CTNND2: variants seen among roughly 807,000 people sequenced by gnomAD.
The protein encoded by CTNND2 is catenin delta 2.
In CTNND2, 22 loss-of-function variants were observed where a neutral mutation model predicts 144.4. That is an observed-to-expected ratio of 0.15 (90% CI 0.11 to 0.22). CTNND2 has a LOEUF of 0.22. CTNND2 is among the 10% of genes least tolerant of loss of function. The probability of loss-of-function intolerance (pLI) is 1.00; values close to 1 mark genes in which losing one functional copy is unlikely to be tolerated. For missense variants in CTNND2, 1,353 were observed against 1,618.8 expected (o/e 0.84, Z 2.82); for synonymous variants, 751 against 695.6 (o/e 1.08, Z -1.25).
At chr5:11,342,983 C>A (rs1754423233) in intron 9 of CTNND2, among the ~76,000 whole-genome samples, 1 of 152,106 alleles carries the variant, frequency 6.6e-6, no homozygotes, top group South Asian at 2.1e-4. Context: ...ATCTTCTTAG[C>A]AAATGGGGCT....
At chr5:11,791,361 C>T (rs962954632) in intron 1 of CTNND2, among the ~76,000 whole-genome samples, 18 of 152,090 alleles carry the variant, frequency 1.2e-4, no homozygotes, top group African/African-American at 4.1e-4. Flanking sequence ...AAGAGGAAGA[C>T]CGTGCAACAA....
intron 9 of CTNND2, among the ~76,000 whole-genome samples, chr5:11,263,650 T>C (rs1344387977): frequency 6.6e-6 from 1 of 152,190 alleles, no homozygotes; most frequent in Non-Finnish European, 1.5e-5. Flanking sequence ...CATGAACCAC[T>C]TGTAAAATAT....
intron 1 of CTNND2, among the ~76,000 whole-genome samples, chr5:11,762,551 C>T (rs978750263): frequency 6.6e-6 from 1 of 152,194 alleles, no homozygotes; most frequent in South Asian, 2.1e-4. Context: ...CAAAATAAAG[C>T]TCCATTACAA....
chr5:11,759,792 C>T lies in CTNND2; in HGVS notation c.38-27520G>A, dbSNP rs181283980. On this transcript the variant is annotated intron_variant, in intron 1 of 21. Transcript: ENST00000304623. Reference sequence around the variant, plus strand: ...TACTGACTCAACTAATACAGCAATGCTATGCAGTACTTCTATTATTATCCT... The same window carrying T: ...TACTGACTCAACTAATACAGCAATGTTATGCAGTACTTCTATTATTATCCT... 1.4e-3 allele frequency among the ~76,000 whole-genome samples: 217 copies of T among 152,150 alleles called. 4 individuals are homozygous for T. In the Middle Eastern group the frequency reaches 0.027, roughly 19 times the overall value.
chr5:11,153,375 T>A (rs1173131527), intron 12 of CTNND2, among the ~76,000 whole-genome samples: 1 of 152,184 alleles, frequency 6.6e-6, no homozygotes, highest in Non-Finnish European at 1.5e-5. Flanking sequence ...AAACACTTTC[T>A]CAAAAAGATT....
intron 1 of CTNND2, among the ~76,000 whole-genome samples, chr5:11,847,803 T>C (rs1171514189): frequency 6.6e-6 from 1 of 152,080 alleles, no homozygotes; most frequent in Non-Finnish European, 1.5e-5. Flanking sequence ...AGAAATTAAC[T>C]ATGTGAAACA....
intron 2 of CTNND2, among the ~76,000 whole-genome samples, chr5:11,571,828 A>G (rs2727588): frequency 0.66 from 100,060 of 151,982 alleles, 33,952 homozygotes; most frequent in Middle Eastern, 0.77. Flanking sequence ...TCACACTTTA[A>G]TATCTCTGGG....
At chr5:11,679,005 T>C (rs931798906) in intron 2 of CTNND2, among the ~76,000 whole-genome samples, 5 of 152,000 alleles carry the variant, frequency 3.3e-5, no homozygotes, top group African/African-American at 1.2e-4. Flanking sequence ...GGAATTACAT[T>C]ACTCTCAAAC....
chr5:11,627,031 C>A (rs1781191754), intron 2 of CTNND2, among the ~76,000 whole-genome samples: 1 of 152,100 alleles, frequency 6.6e-6, no homozygotes, highest in Non-Finnish European at 1.5e-5. Flanking sequence ...AGTTAATTTG[C>A]AGAGGTGTTA....
In CTNND2 at chr5:11,175,799, G is replaced by A. The variant is rs72730925; in HGVS notation, c.1976-16040C>T. 3.2e-3 allele frequency among the ~76,000 whole-genome samples: 493 copies of A among 151,996 alleles called. 5 individuals carry two copies. The highest frequency in any genetic ancestry group is 0.011 in the African/African-American group (467 of 41,436). On this transcript the variant is annotated intron_variant, in intron 11 of 21. Coordinates refer to ENST00000304623, the MANE Select transcript of CTNND2 (RefSeq NM_001332.4). The stretch of plus-strand genomic sequence containing the variant: ...AGAGTCTACACATTTTAAATACTGA[G>A]GTATATTGCCAAAATGCTCTCCAGA...
intron 8 of CTNND2, among the ~76,000 whole-genome samples, chr5:11,349,988 T>G (rs892529618): frequency 4.6e-5 from 7 of 152,096 alleles, no homozygotes; most frequent in Non-Finnish European, 1.0e-4. Flanking sequence ...ACACAAAACA[T>G]TAGTCGGGCG....
intron 6 of CTNND2, among the ~76,000 whole-genome samples, chr5:11,395,463 C>T (rs947451036): frequency 6.6e-6 from 1 of 152,188 alleles, no homozygotes; most frequent in African/African-American, 2.4e-5. Context: ...TACCAGTAAC[C>T]TTTGCCTCAA....
At chr5:11,036,987 C>G (rs898814564) in intron 16 of CTNND2, among the ~76,000 whole-genome samples, 8 of 152,080 alleles carry the variant, frequency 5.3e-5, no homozygotes, top group African/African-American at 1.9e-4. Flanking sequence ...TATGCTTCAG[C>G]AGTGATGACC....
intron 7 of CTNND2, among the ~76,000 whole-genome samples, chr5:11,374,775 CTTTTTTTT>C (rs56327510): frequency 0.023 from 2,275 of 99,360 alleles, 31 homozygotes; most frequent in African/African-American, 0.076. Context: ...TCCCAATCTA[CTTTTTTTT>C]TTTTTTTTTT....
At chr5:11,714,908 G>A (rs555588553) in intron 2 of CTNND2, among the ~76,000 whole-genome samples, 15 of 145,302 alleles carry the variant, frequency 1.0e-4, no homozygotes, top group African/African-American at 1.3e-4. Context: ...GCAATATTCC[G>A]TCTCAAAAAA....
At chr5:11,342,911 C>A (rs932221024) in intron 9 of CTNND2, among the ~76,000 whole-genome samples, 1 of 152,088 alleles carries the variant, frequency 6.6e-6, no homozygotes, top group Non-Finnish European at 1.5e-5. Context: ...AATATATTAG[C>A]TATGATAACA....
chr5:10,987,994 T>G, intron 20 of CTNND2, 117 bp downstream of exon 20: 5 of 1,341,604 alleles, frequency 3.7e-6, no homozygotes, highest in South Asian at 1.4e-5. Context: ...GGACAGCTGC[T>G]AAGTCCTGCT....
chr5:11,716,674 T>C (rs889764240), intron 2 of CTNND2, among the ~76,000 whole-genome samples: 5 of 151,490 alleles, frequency 3.3e-5, no homozygotes, highest in African/African-American at 1.2e-4. Flanking sequence ...TTTACTTATT[T>C]GTTTATTTAT....
At chr5:11,083,299 T>C (rs945537285) in intron 15 of CTNND2, among the ~76,000 whole-genome samples, 1 of 152,144 alleles carries the variant, frequency 6.6e-6, no homozygotes, top group African/African-American at 2.4e-5. Flanking sequence ...CACAGGTGAG[T>C]TGCTGAACGT....
Sources: allele counts gnomAD v4.1 joint callset (sites outside exome capture counted in the v4.1 genomes callset), GRCh38; gene constraint gnomAD v4.1.1; transcripts MANE v1.5; gene names NCBI Gene and HGNC (gene_info 2026-07-23, HGNC 2026-07-21).